WWOX: variants seen among roughly 807,000 people sequenced by gnomAD.
WWOX encodes the protein WW domain containing oxidoreductase, also known as WW domain-containing oxidoreductase.
Under a neutral mutation model 46.2 loss-of-function variants are expected in WWOX, and 69 were observed. The observed-to-expected ratio is 1.49, with a 90% CI of 1.23 to 1.82. WWOX has a LOEUF of 1.82. WWOX is among the 40% of genes most tolerant of loss of function. WWOX has a pLI of 0.00. For synonymous variants in WWOX, 359 were observed against 202.6 expected, an observed-to-expected ratio of 1.77 and a Z score of -6.56; for missense variants, 919 against 542.6, an observed-to-expected ratio of 1.69 and a Z score of -6.89.
At chr16:78,632,806 C>T (rs182693902) in intron 8 of WWOX, among the ~76,000 whole-genome samples, 126 of 152,062 alleles carry the variant, frequency 8.3e-4, no homozygotes, top group Non-Finnish European at 1.6e-3. Context: ...GATCCACCCG[C>T]CTCAGCCTCC....
intron 8 of WWOX, among the ~76,000 whole-genome samples, chr16:79,090,319 G>GTGT (rs1398386916): frequency 6.8e-6 from 1 of 147,850 alleles, no homozygotes; most frequent in African/African-American, 2.5e-5. Flanking sequence ...GTGTGTGTGT[G>GTGT]ATATAATGTG....
intron 8 of WWOX, among the ~76,000 whole-genome samples, chr16:78,813,668 C>G (rs1008399903): frequency 2.0e-5 from 3 of 152,066 alleles, no homozygotes; most frequent in Admixed American, 1.3e-4. Context: ...CAAAAGGCCT[C>G]CTTTGAGATC....
intron 8 of WWOX, among the ~76,000 whole-genome samples, chr16:78,586,638 A>G (rs2045215823): frequency 6.6e-6 from 1 of 152,236 alleles, no homozygotes; most frequent in Non-Finnish European, 1.5e-5. Flanking sequence ...TAATATTAAA[A>G]ATAATGAGCA....
At chr16:79,203,587 T>C (rs1171269576) in intron 8 of WWOX, 2 of 150,678 alleles carry the variant, frequency 1.3e-5, no homozygotes, top group Non-Finnish European at 2.9e-5. Flanking sequence ...AACCTTAAAA[T>C]CTAAACAAAC....
chr16:78,700,886 C>A (rs533009972), intron 8 of WWOX, among the ~76,000 whole-genome samples: 4 of 152,176 alleles, frequency 2.6e-5, no homozygotes, highest in African/African-American at 9.6e-5. Flanking sequence ...GAAAACCAAC[C>A]CAAAGGGCTA....
At chr16:78,953,369 G>A (rs754521705) in intron 8 of WWOX, among the ~76,000 whole-genome samples, 1 of 152,186 alleles carries the variant, frequency 6.6e-6, no homozygotes, top group African/African-American at 2.4e-5. Flanking sequence ...CACACTAATT[G>A]TATGCAAATG....
chr16:78,614,793 A>G (rs2045981440), intron 8 of WWOX, among the ~76,000 whole-genome samples: 2 of 152,132 alleles, frequency 1.3e-5, no homozygotes, highest in South Asian at 4.1e-4. Context: ...TGGTTTTTAA[A>G]TGTTTTTTTA....
rs761780647 is a variant in WWOX, at chr16:79,212,048, G to C, written c.*252G>C. 258 of 1,536,242 alleles carry C rather than the reference G, an allele frequency of 1.7e-4. No individual in the cohort carries two copies. Among genetic ancestry groups the C allele is most frequent in the Admixed American group, 2.2e-4 (11 of 50,986 alleles). Reference sequence around the variant, plus strand: ...CTTTCTGGTGGTGGCCTGTTTGAAAGTAAAAACCTGCTTGGTGTGTAGGTT... The same window carrying C: ...CTTTCTGGTGGTGGCCTGTTTGAAACTAAAAACCTGCTTGGTGTGTAGGTT... On this transcript the variant is annotated 3_prime_UTR_variant, in exon 9 of 9. Coordinates refer to ENST00000566780, the MANE Select transcript of WWOX (RefSeq NM_016373.4).
intron 8 of WWOX, among the ~76,000 whole-genome samples, chr16:78,442,317 A>C (rs1442616368): frequency 6.6e-6 from 1 of 152,192 alleles, no homozygotes; most frequent in African/African-American, 2.4e-5. Flanking sequence ...TCAAGTATAT[A>C]ATACGTTATT....
At chr16:78,768,532 G>C (rs1269813775) in intron 8 of WWOX, among the ~76,000 whole-genome samples, 2 of 151,642 alleles carry the variant, frequency 1.3e-5, no homozygotes, top group African/African-American at 4.8e-5. Context: ...AAAGGTTGCA[G>C]TGAGCGGAGA....
At chr16:78,581,771 G>A (rs1238894038) in intron 8 of WWOX, among the ~76,000 whole-genome samples, 2 of 152,146 alleles carry the variant, frequency 1.3e-5, no homozygotes, top group African/African-American at 2.4e-5. Context: ...CCTACCTTTA[G>A]ATGACAGGAC....
chr16:79,189,112 C>T (rs183928052), intron 8 of WWOX, among the ~76,000 whole-genome samples: 34 of 152,264 alleles, frequency 2.2e-4, no homozygotes, highest in Middle Eastern at 6.8e-3. Flanking sequence ...TGCTAGAAAC[C>T]TAGGGAGAGA....
chr16:78,254,502 G>GTTT (rs59706959), intron 5 of WWOX, among the ~76,000 whole-genome samples: 2,467 of 91,460 alleles, frequency 0.027, 97 homozygotes, highest in African/African-American at 0.052. Context: ...TTTCTTTCTT[G>GTTT]TTTTTTTTTT....
At chr16:79,095,241 T>A (rs2049044880) in intron 8 of WWOX, among the ~76,000 whole-genome samples, 2 of 152,234 alleles carry the variant, frequency 1.3e-5, no homozygotes, top group Non-Finnish European at 2.9e-5. Flanking sequence ...CTCTGGCTGT[T>A]TTATTTAGCG....
intron 6 of WWOX, among the ~76,000 whole-genome samples, chr16:78,411,520 C>T (rs913229729): frequency 1.8e-4 from 28 of 152,224 alleles, no homozygotes; most frequent in African/African-American, 6.3e-4. Flanking sequence ...GATTCACCTG[C>T]CTGGAGCTTA....
intron 5 of WWOX, among the ~76,000 whole-genome samples, chr16:78,193,854 TTTA>T (rs1403163313): frequency 7.3e-5 from 11 of 150,316 alleles, no homozygotes; most frequent in East Asian, 1.9e-4. Flanking sequence ...ATTTTTTATT[TTTA>T]TTATTATTAT....
chr16:79,109,358 C>T (rs574128414), intron 8 of WWOX, among the ~76,000 whole-genome samples: 1 of 152,278 alleles, frequency 6.6e-6, no homozygotes, highest in Admixed American at 6.5e-5. Context: ...ACTACCTCCA[C>T]TAGCTAAGCT....
intron 6 of WWOX, 98 bp downstream of exon 6, chr16:78,387,046 G>A: frequency 2.4e-6 from 3 of 1,264,598 alleles, no homozygotes; most frequent in Non-Finnish European, 3.4e-6. Flanking sequence ...CTGTTGTGTT[G>A]TCTTGGCGTC....
chr16:78,466,249 T>C (rs1597124539), intron 8 of WWOX, among the ~76,000 whole-genome samples: 1 of 152,080 alleles, frequency 6.6e-6, no homozygotes, highest in South Asian at 2.1e-4. Context: ...CCCAGGATGG[T>C]CTCGATCTCC....
Sources: gnomAD v4.1 joint callset for allele counts (sites outside exome capture counted in the v4.1 genomes callset) on GRCh38, gnomAD v4.1.1 for gene constraint, MANE v1.5 for transcripts, NCBI Gene and HGNC (gene_info 2026-07-23, HGNC 2026-07-21) for gene names.